Variants in NELL2 observed in about 807,000 individuals in gnomAD.
The protein encoded by NELL2 is protein kinase C-binding protein NELL2.
NELL2 carries 41 observed loss-of-function variants against 109.6 expected under a neutral mutation model. That is an observed-to-expected ratio of 0.37 (90% CI 0.29 to 0.49). NELL2 has a LOEUF of 0.49. Among genes scored for constraint, NELL2 ranks in the 20% least tolerant of loss-of-function variants. The pLI, the probability that NELL2 is intolerant of heterozygous loss-of-function variation, is 0.98. For synonymous variants in NELL2, 355 were observed against 344.7 expected, an observed-to-expected ratio of 1.03 and a Z score of -0.33; for missense variants, 900 against 1,008.3, an observed-to-expected ratio of 0.89 and a Z score of 1.45.
rs771884368 is a variant in NELL2 at position 44,875,853 on chromosome 12, A to G, written c.17T>C (p.Leu6Ser). MESRVLLRTFCLIFGL... is the reference protein window; with the variant it reads MESRVSLRTFCLIFGL... The stretch of plus-strand genomic sequence containing the variant: ...GAAGATCAAACAGAATGTTCTCAGT[A>G]AGACCCGAGACTCCATGGTGCGGAT... The change falls in exon 1 of 20, where the codon TTA (leucine) becomes TCA (serine). Residue 6 changes from leucine (L) to serine (S), a missense_variant. Leu to Ser is a moderately radical substitution (Grantham distance 145, BLOSUM62 -2). Around this residue, in one of 4 missense-constraint regions of NELL2, gnomAD observed 200 missense variants for 191.8 expected, o/e 1.04. Coordinates refer to ENST00000429094, the MANE Select transcript of NELL2 (RefSeq NM_001145108.2). 5 of 1,614,030 alleles carry G rather than the reference A, an allele frequency of 3.1e-6. No homozygotes were observed. The highest frequency in any genetic ancestry group is 2.2e-5 in the South Asian group (2 of 91,072).
chr12:44,725,161 AACTCTGGAAGAC>A (rs1402677083), intron 9 of NELL2, among the ~76,000 whole-genome samples: 8 of 152,168 alleles, frequency 5.3e-5, no homozygotes, highest in African/African-American at 1.9e-4. Flanking sequence ...AAACTATAAA[AACTCTGGAAGAC>A]AACCTGGGCA....
Position 44,816,864 on chromosome 12 carries a change from C to T in NELL2, c.185-728G>A, listed in dbSNP as rs75137283. Among the ~76,000 whole-genome samples, 921 of 152,302 alleles carry T rather than the reference C, an allele frequency of 6.0e-3. 12 individuals carry two copies. The highest frequency in any genetic ancestry group is 0.02 in the African/African-American group (850 of 41,556). On this transcript the variant is annotated intron_variant, in intron 2 of 19. Transcript: ENST00000429094. ...TTAGCCTTGTACTCCAACCTCAGGA[C>T]CCAGATTATATGGGGAAACAGATAA...
intron 3 of NELL2, among the ~76,000 whole-genome samples, chr12:44,813,927 A>T (rs1415039274): frequency 6.6e-6 from 1 of 152,236 alleles, no homozygotes; most frequent in Non-Finnish European, 1.5e-5. Context: ...CAGGTATTTC[A>T]GTTGCCCATA....
intron 12 of NELL2, among the ~76,000 whole-genome samples, chr12:44,678,253 T>C (rs1948382133): frequency 6.6e-6 from 1 of 152,072 alleles, no homozygotes; most frequent in Admixed American, 6.6e-5. Flanking sequence ...GGAAAAATCT[T>C]TGTTTCTTCA....
chr12:44,557,750 A>G lies in NELL2; in HGVS notation c.1664-25029T>C, dbSNP rs17094775. 6.1e-3 allele frequency among the ~76,000 whole-genome samples: 929 copies of G among 152,320 alleles called. 8 individuals carry two copies. Among genetic ancestry groups the G allele is most frequent in the African/African-American group, 0.021 (872 of 41,564 alleles). ...TTGTTTGATATATACTGCAAAAATG[A>G]AATGAAGCCATGGAAATAAATGAGA... On this transcript the variant is annotated intron_variant, in intron 15 of 19. Transcript: ENST00000429094.
chr12:44,785,624 A>G (rs1942135613), intron 3 of NELL2, among the ~76,000 whole-genome samples: 1 of 152,242 alleles, frequency 6.6e-6, no homozygotes, highest in South Asian at 2.1e-4. Context: ...ACCTGACTTC[A>G]AACTATACTA....
chr12:44,703,460 A>C (rs1937668533), intron 12 of NELL2, among the ~76,000 whole-genome samples: 1 of 152,214 alleles, frequency 6.6e-6, no homozygotes, highest in African/African-American at 2.4e-5. Flanking sequence ...ATATCTAATT[A>C]TGAAAAAAAA....
intron 12 of NELL2, among the ~76,000 whole-genome samples, chr12:44,673,495 T>C (rs628408): frequency 0.52 from 79,228 of 151,998 alleles, 21,726 homozygotes; most frequent in East Asian, 0.73. Context: ...GGTTTTGACT[T>C]ATTATGACTT....
At chr12:44,615,112 T>G (rs1945772595) in intron 13 of NELL2, among the ~76,000 whole-genome samples, 1 of 151,972 alleles carries the variant, frequency 6.6e-6, no homozygotes, top group South Asian at 2.1e-4. Flanking sequence ...TTATGAGAAA[T>G]TGCTAAAGTA....
chr12:44,735,561 T>G (rs1939596665), intron 9 of NELL2, among the ~76,000 whole-genome samples: 1 of 152,174 alleles, frequency 6.6e-6, no homozygotes, highest in Non-Finnish European at 1.5e-5. Context: ...GTTGAATGCT[T>G]CCTCCTACTA....
chr12:44,639,370 C>T (rs770839323), intron 13 of NELL2, among the ~76,000 whole-genome samples: 2 of 152,128 alleles, frequency 1.3e-5, no homozygotes, highest in Admixed American at 6.6e-5. Flanking sequence ...CTCTTTCCAG[C>T]GTTATCATAA....
intron 9 of NELL2, among the ~76,000 whole-genome samples, chr12:44,771,037 G>T (rs1389124952): frequency 6.6e-6 from 1 of 151,990 alleles, no homozygotes; most frequent in Admixed American, 6.6e-5. Context: ...CCTGGGTTGA[G>T]ATTTTATGTA....
intron 9 of NELL2, among the ~76,000 whole-genome samples, chr12:44,730,512 TTAAA>T (rs1247794354): frequency 6.6e-6 from 1 of 152,006 alleles, no homozygotes; most frequent in Non-Finnish European, 1.5e-5. Context: ...TATATGGAAA[TTAAA>T]TAACACACTT....
At chr12:44,622,732 C>T (rs1052175966) in intron 13 of NELL2, among the ~76,000 whole-genome samples, 2 of 152,068 alleles carry the variant, frequency 1.3e-5, no homozygotes, top group African/African-American at 2.4e-5. Flanking sequence ...TAGAATGATT[C>T]CTCCGATTTT....
In NELL2 at chr12:44,834,541, A is replaced by T. The variant is rs7973268; in HGVS notation, c.185-18405T>A. Among the ~76,000 whole-genome samples the T allele has an allele frequency of 7.8e-3, 1,189 of 151,684 alleles. 15 individuals carry two copies. The highest frequency in any genetic ancestry group is 0.027 in the African/African-American group (1,113 of 41,340). On this transcript the variant is annotated intron_variant, in intron 2 of 19. Coordinates refer to ENST00000429094, the MANE Select transcript of NELL2 (RefSeq NM_001145108.2). ...ACGCTATGTACAGCAACAAATACCC[A>T]GGGGGCCAGGCCCAGTGCTGCCCCT...
At chr12:44,675,539 T>A (rs1566136855) in intron 12 of NELL2, among the ~76,000 whole-genome samples, 3 of 152,194 alleles carry the variant, frequency 2.0e-5, no homozygotes, top group Non-Finnish European at 4.4e-5. Flanking sequence ...CCTTTTATCC[T>A]ATTTGAAAGA....
intron 1 of NELL2, among the ~76,000 whole-genome samples, chr12:44,901,218 A>G (rs187035373): frequency 6.6e-6 from 1 of 152,340 alleles, no homozygotes; most frequent in Admixed American, 6.5e-5. Context: ...TAAAGGGGAT[A>G]TCACCACTTA....
At chr12:44,890,569 T>C (rs1429408837) in intron 1 of NELL2, among the ~76,000 whole-genome samples, 1 of 152,080 alleles carries the variant, frequency 6.6e-6, no homozygotes, top group Non-Finnish European at 1.5e-5. Flanking sequence ...TAAAAGTTGT[T>C]AGAAAACTTA....
intron 13 of NELL2, among the ~76,000 whole-genome samples, chr12:44,614,066 T>A (rs1372609559): frequency 1.3e-5 from 2 of 152,104 alleles, no homozygotes; most frequent in Non-Finnish European, 2.9e-5. Context: ...TTTCAAGGTT[T>A]ATGTCTCATA....
Sources: gnomAD v4.1 joint callset for allele counts (sites outside exome capture counted in the v4.1 genomes callset) on GRCh38, gnomAD v4.1.1 for gene constraint, gnomAD v4.1.1 regional missense constraint, MANE v1.5 for transcripts, NCBI Gene and HGNC (gene_info 2026-07-23, HGNC 2026-07-21) for gene names.